BPHL: variants seen among roughly 807,000 people sequenced by gnomAD.
BPHL encodes the protein biphenyl hydrolase like, also known as serine hydrolase BPHL.
BPHL carries 27 observed loss-of-function variants against 31.2 expected under a neutral mutation model. The observed-to-expected ratio is 0.87, with a 90% CI of 0.64 to 1.19. The LOEUF (loss-of-function observed/expected upper bound fraction) is 1.19, where lower values mean the gene tolerates loss of function less well. BPHL is among the 50% of genes most tolerant of loss of function. BPHL has a pLI of 0.00. For missense variants in BPHL, 356 were observed against 375.7 expected (o/e 0.95, Z 0.43); for synonymous variants, 150 against 146.8 (o/e 1.02, Z -0.16).
intron 5 of BPHL, chr6:3,138,164 G>A (rs1421411986): frequency 4.9e-5 from 20 of 405,998 alleles, no homozygotes; most frequent in East Asian, 1.6e-4. Context: ...GACCACAGGC[G>A]TGCACCACCA....
At chr6:3,124,038 G>A in intron 2 of BPHL, 1 of 233,776 alleles carries the variant, frequency 4.3e-6, no homozygotes, top group East Asian at 1.2e-4. Context: ...CAGGGGTCAA[G>A]GAAAGGGGTG....
chr6:3,145,275 TGGAG>T lies in BPHL; in HGVS notation c.788+4767_788+4770del, dbSNP rs1762303064. On this transcript the variant is annotated intron_variant, in intron 6 of 6. Coordinates refer to ENST00000380379, the MANE Select transcript of BPHL (RefSeq NM_004332.4). The stretch of plus-strand genomic sequence containing the variant: ...TTCGGGGTGGAGTGCTGGTGTGGGT[TGGAG>T]TGCTGGTTCGGGTCCGAGTGCTGGT... Among the ~76,000 whole-genome samples, 2 of 42,144 alleles carry T rather than the reference TGGAG, an allele frequency of 4.7e-5. 1 individual carries two copies. 27.6% of individuals were successfully genotyped at this position (42,144 alleles called of 152,430 possible). A position where few individuals can be genotyped will look rare whatever the true frequency, so the allele number is the denominator to read the frequency against.
In BPHL at chr6:3,153,524, AAAGC is replaced by A; in HGVS notation, c.*951_*954del. 2.4e-6 allele frequency: 1 copy of A among 414,550 alleles called. No individual in the cohort carries two copies. The highest frequency in any genetic ancestry group is 2.8e-5 in the South Asian group (1 of 35,874). 25.7% of individuals were successfully genotyped at this position (414,550 alleles called of 1,614,324 possible). ...CAGGAATGTTATTAATTAAAACACT[AAAGC>A]AGAAATCCTACATTGCTATTAAAAT... On this transcript the variant is annotated 3_prime_UTR_variant, in exon 7 of 7. Coordinates refer to ENST00000380379, the MANE Select transcript of BPHL (RefSeq NM_004332.4).
chr6:3,135,839 G>A (rs9503404), intron 4 of BPHL, among the ~76,000 whole-genome samples: 2,133 of 152,200 alleles, frequency 0.014, 39 homozygotes, highest in African/African-American at 0.046. Context: ...AGCATAAATC[G>A]AGAGCGCTTT....
chr6:3,127,465 A>G, intron 3 of BPHL, 57 bp downstream of exon 3: 1 of 1,377,722 alleles, frequency 7.3e-7, no homozygotes, highest in Non-Finnish European at 9.7e-7. Flanking sequence ...GTCTTCATTT[A>G]TTTTGTTTAA....
At position 3,127,875 on chromosome 6, in the gene BPHL, C is replaced by T. The variant is rs537245382; in HGVS notation, c.378+467C>T. On this transcript the variant is annotated intron_variant, in intron 3 of 6. Coordinates refer to ENST00000380379, the MANE Select transcript of BPHL (RefSeq NM_004332.4). The stretch of plus-strand genomic sequence containing the variant: ...TTGCTCTGTCACCCAGGCTGGAGTG[C>T]GGTGGCGCAATCTTGGCTCACTGCA... Among the ~76,000 whole-genome samples, 372 of 150,714 alleles carry T rather than the reference C, an allele frequency of 2.5e-3. 2 individuals carry two copies. Among genetic ancestry groups the T allele is most frequent in the African/African-American group, 8.7e-3 (354 of 40,886 alleles).
At chr6:3,123,965 A>G in intron 2 of BPHL, 1 of 380,158 alleles carries the variant, frequency 2.6e-6, no homozygotes, top group East Asian at 5.6e-5. Flanking sequence ...TTAGTAAAGT[A>G]CCCAGTTTTT....
intron 1 of BPHL, among the ~76,000 whole-genome samples, chr6:3,120,480 T>C (rs570163257): frequency 2.0e-4 from 31 of 152,328 alleles, no homozygotes; most frequent in South Asian, 6.2e-4. Flanking sequence ...CAGCTGCAAG[T>C]TGATATGACA....
chr6:3,148,699 G>C (rs938808763), intron 6 of BPHL, among the ~76,000 whole-genome samples: 1 of 152,232 alleles, frequency 6.6e-6, no homozygotes, highest in African/African-American at 2.4e-5. Context: ...AGCTCCACAC[G>C]CTGCTTGTGG....
At chr6:3,134,300 C>T (rs1039193072) in intron 4 of BPHL, among the ~76,000 whole-genome samples, 2 of 152,134 alleles carry the variant, frequency 1.3e-5, no homozygotes, top group African/African-American at 4.8e-5. Flanking sequence ...AGTCAGTAAC[C>T]CCTTTTAGGG....
intron 6 of BPHL, among the ~76,000 whole-genome samples, chr6:3,141,744 C>G (rs1448754820): frequency 6.6e-6 from 1 of 152,042 alleles, no homozygotes; most frequent in South Asian, 2.1e-4. Flanking sequence ...GAGGCTGAGG[C>G]AGGCGGTTCA....
rs550756473 is a variant in BPHL at position 3,133,445 on chromosome 6, C to A, written c.533-3917C>A. ...CTCATGGTGTCTTACTTTAAGCCTT[C>A]CAGGACTCCCCACAACTTTCCTGAT... On this transcript the variant is annotated intron_variant, in intron 4 of 6. Coordinates refer to ENST00000380379, the MANE Select transcript of BPHL (RefSeq NM_004332.4). 3.3e-5 allele frequency among the ~76,000 whole-genome samples: 5 copies of A among 152,306 alleles called. No individual in the cohort carries two copies. In the South Asian group the frequency reaches 1.0e-3, roughly 32 times the overall value.
intron 1 of BPHL, 23 bp from the exon 2 acceptor site, chr6:3,123,634 G>T: frequency 6.2e-7 from 1 of 1,600,938 alleles, no homozygotes; most frequent in South Asian, 1.1e-5. Context: ...TCCCCCTGTG[G>T]GGATGTGTTT....
rs974723521 is a variant in BPHL at position 3,124,735 on chromosome 6, G to A, written c.211+975G>A. Among the ~76,000 whole-genome samples, 5 of 150,784 alleles carry A rather than the reference G, an allele frequency of 3.3e-5. No individual in the cohort carries two copies. The East Asian group carries it at 7.7e-4, about 23-fold the overall frequency. ...TTTTTTCCCGAAATATTTTTGTTCCGAGGTTGGTTGAATCCACAGATGTAG... is the reference window on the plus strand; with the variant it reads ...TTTTTTCCCGAAATATTTTTGTTCCAAGGTTGGTTGAATCCACAGATGTAG... On this transcript the variant is annotated intron_variant, in intron 2 of 6. Coordinates refer to ENST00000380379, the MANE Select transcript of BPHL (RefSeq NM_004332.4).
chr6:3,135,239 CA>C (rs1190986133), intron 4 of BPHL, among the ~76,000 whole-genome samples: 2 of 152,214 alleles, frequency 1.3e-5, no homozygotes, highest in African/African-American at 4.8e-5. Flanking sequence ...TTTTTACCAA[CA>C]AGTGTCTTTT....
intron 4 of BPHL, 99 bp downstream of exon 4, chr6:3,129,297 G>A (rs906838867): frequency 8.0e-6 from 11 of 1,372,984 alleles, no homozygotes; most frequent in South Asian, 3.2e-5. Flanking sequence ...CACATCTCTC[G>A]TGCTTCTAGT....
chr6:3,137,425 A>G lies in BPHL; in HGVS notation c.596A>G (p.Tyr199Cys), dbSNP rs2113763281. 3 of 1,613,048 alleles carry G rather than the reference A, an allele frequency of 1.9e-6. No homozygotes were observed. The highest frequency in any genetic ancestry group is 2.5e-6 in the Non-Finnish European group (3 of 1,179,858). ...TRKPLEALYG[Y>C]DYFARTCEKW... Reference sequence around the variant, plus strand: ...AAGCCTCTAGAAGCCCTCTATGGGTATGACTACTTTGCCAGAACCTGTGAA... The same window carrying G: ...AAGCCTCTAGAAGCCCTCTATGGGTGTGACTACTTTGCCAGAACCTGTGAA... Residue 199 changes from tyrosine (Y) to cysteine (C), a missense_variant, in exon 5 of 7, where the codon TAT (tyrosine) becomes TGT (cysteine). Physicochemically the swap from Tyr to Cys is radical, Grantham distance 194 (BLOSUM62 -2). Transcript: ENST00000380379.
intron 4 of BPHL, among the ~76,000 whole-genome samples, chr6:3,132,422 C>G (rs557624909): frequency 6.6e-6 from 1 of 152,186 alleles, no homozygotes; most frequent in African/African-American, 2.4e-5. Context: ...CCAGGCGTCA[C>G]CCTCAGTGCT....
chr6:3,120,136 C>A (rs569777805), intron 1 of BPHL, among the ~76,000 whole-genome samples: 1 of 152,088 alleles, frequency 6.6e-6, no homozygotes, highest in African/African-American at 2.4e-5. Context: ...CAGGTTTAAG[C>A]GATTCTCGTG....
Sources: allele counts gnomAD v4.1 joint callset (sites outside exome capture counted in the v4.1 genomes callset), GRCh38; gene constraint gnomAD v4.1.1; transcripts MANE v1.5; gene names NCBI Gene and HGNC (gene_info 2026-07-23, HGNC 2026-07-21).